The following UTP20 variants were observed in gnomAD, a reference collection of about 807,000 sequenced individuals.
UTP20 encodes UTP20 small subunit processome component.
In UTP20, 164 loss-of-function variants were observed where a neutral mutation model predicts 329.5. The ratio of observed to expected loss-of-function variants is 0.50; its 90% CI spans 0.44 to 0.57. The LOEUF (loss-of-function observed/expected upper bound fraction) is 0.57, where lower values mean the gene tolerates loss of function less well. Among genes scored for constraint, UTP20 ranks in the 20% least tolerant of loss-of-function variants. The probability of loss-of-function intolerance (pLI) is 0.00; values close to 1 mark genes in which losing one functional copy is unlikely to be tolerated. For synonymous variants in UTP20, 1,151 were observed against 1,159.3 expected, an observed-to-expected ratio of 0.99 and a Z score of 0.14; for missense variants, 3,055 against 3,284.2, an observed-to-expected ratio of 0.93 and a Z score of 1.71.
At chr12:101,378,384 A>T (rs1870541410) in intron 56 of UTP20, among the ~76,000 whole-genome samples, 1 of 152,190 alleles carries the variant, frequency 6.6e-6, no homozygotes, top group Non-Finnish European at 1.5e-5. Context: ...TACTGATTAG[A>T]AACAAGCCTG....
intron 23 of UTP20, among the ~76,000 whole-genome samples, chr12:101,320,104 T>C (rs1873100958): frequency 6.6e-6 from 1 of 152,216 alleles, no homozygotes; most frequent in Non-Finnish European, 1.5e-5. Flanking sequence ...AAGTAAGCAT[T>C]GGATGTAATT....
intron 17 of UTP20, among the ~76,000 whole-genome samples, 171 bp downstream of exon 17, chr12:101,306,932 G>A (rs1872655400): frequency 6.6e-6 from 1 of 152,110 alleles, no homozygotes. Flanking sequence ...CCAGCACTTT[G>A]GGAGGCCGAG....
At chr12:101,372,789 T>C (rs1430626715) in intron 51 of UTP20, 95 bp from the exon 52 acceptor site, 9 of 997,920 alleles carry the variant, frequency 9.0e-6, no homozygotes, top group Non-Finnish European at 1.4e-5. Flanking sequence ...CTGTAAAGTT[T>C]TTATAACCTA....
intron 58 of UTP20, among the ~76,000 whole-genome samples, chr12:101,382,782 G>A (rs368678647): frequency 2.8e-4 from 42 of 151,870 alleles, no homozygotes; most frequent in African/African-American, 1.0e-3. Flanking sequence ...AAACCTGGGA[G>A]GGGGATGTCA....
intron 25 of UTP20, among the ~76,000 whole-genome samples, chr12:101,324,155 AT>A (rs199685126): frequency 0.24 from 29,018 of 122,896 alleles, 3,199 homozygotes; most frequent in East Asian, 0.38. Context: ...AAAAAAATAA[AT>A]AAATAAATAA....
At chr12:101,321,903 G>A (rs1049420065) in intron 25 of UTP20, among the ~76,000 whole-genome samples, 5 of 151,764 alleles carry the variant, frequency 3.3e-5, no homozygotes, top group African/African-American at 9.7e-5. Flanking sequence ...AGCCATCACC[G>A]CCAGCTGCTT....
At chr12:101,296,244 C>T (rs1872344446) in intron 12 of UTP20, among the ~76,000 whole-genome samples, 1 of 152,130 alleles carries the variant, frequency 6.6e-6, no homozygotes, top group Non-Finnish European at 1.5e-5. Flanking sequence ...GAACTGTTCC[C>T]TCACCACGAG....
chr12:101,352,767 T>A (rs960343970), intron 39 of UTP20, among the ~76,000 whole-genome samples: 26 of 150,160 alleles, frequency 1.7e-4, no homozygotes, highest in Non-Finnish European at 3.1e-4. Flanking sequence ...CATATGTAAC[T>A]AACCTGCACA....
At chr12:101,317,750 T>C (rs982753627) in intron 22 of UTP20, 87 bp downstream of exon 22, 18 of 1,317,312 alleles carry the variant, frequency 1.4e-5, no homozygotes, top group Non-Finnish European at 1.8e-5. Context: ...CAAAATCAAC[T>C]ACTCAGATAA....
intron 54 of UTP20, 125 bp from the exon 55 acceptor site, chr12:101,374,683 G>C: frequency 1.6e-6 from 1 of 608,810 alleles, no homozygotes; most frequent in Admixed American, 2.6e-5. Flanking sequence ...CTGATTTCTG[G>C]CATCAGAAAG....
chr12:101,287,908 G>A (rs1244734014), intron 5 of UTP20, among the ~76,000 whole-genome samples: 1 of 152,210 alleles, frequency 6.6e-6, no homozygotes, highest in East Asian at 1.9e-4. Flanking sequence ...TTAGGTGGCC[G>A]AGCAGCCTGT....
intron 24 of UTP20, 89 bp from the exon 25 acceptor site, chr12:101,321,415 G>A (rs1169280689): frequency 1.3e-6 from 2 of 1,547,096 alleles, no homozygotes; most frequent in African/African-American, 1.4e-5. Flanking sequence ...CCTTATTTTA[G>A]TTATTACTCT....
At chr12:101,359,560 G>C (rs1008669788) in intron 43 of UTP20, among the ~76,000 whole-genome samples, 1 of 151,544 alleles carries the variant, frequency 6.6e-6, no homozygotes, top group Non-Finnish European at 1.5e-5. Flanking sequence ...ATTTCTTTCA[G>C]TCTATCTGCA....
intron 43 of UTP20, among the ~76,000 whole-genome samples, chr12:101,357,467 G>C (rs1308504170): frequency 6.6e-6 from 1 of 152,120 alleles, no homozygotes; most frequent in Non-Finnish European, 1.5e-5. Flanking sequence ...TACAAAATAA[G>C]GGGCTGGGTG....
chr12:101,323,049 AC>A (rs532522185), intron 25 of UTP20, among the ~76,000 whole-genome samples: 86 of 152,360 alleles, frequency 5.6e-4, no homozygotes, highest in African/African-American at 2.0e-3. Flanking sequence ...CTACCAAAAA[AC>A]ATCTAAATAA....
chr12:101,286,018 A>C, intron 4 of UTP20, 137 bp downstream of exon 4: 1 of 1,238,100 alleles, frequency 8.1e-7, no homozygotes, highest in Non-Finnish European at 1.1e-6. Flanking sequence ...TCTGTTAGGA[A>C]TAAGTGCATT....
chr12:101,281,334 C>A, intron 2 of UTP20, 138 bp downstream of exon 2: 3 of 644,454 alleles, frequency 4.7e-6, no homozygotes, highest in Non-Finnish European at 7.5e-6. Flanking sequence ...CATACAGTAG[C>A]CACATATGAC....
intron 56 of UTP20, among the ~76,000 whole-genome samples, chr12:101,377,915 A>G (rs1870527597): frequency 6.6e-6 from 1 of 152,172 alleles, no homozygotes. Flanking sequence ...AAATGAGATC[A>G]TGTTCATGAA....
At position 101,295,615 on chromosome 12, in the gene UTP20, G is replaced by A. The variant is rs766797905; in HGVS notation, c.1387G>A (p.Ala463Thr). 1.6e-5 allele frequency: 25 copies of A among 1,612,114 alleles called. No individual in the cohort carries two copies. The highest frequency in any genetic ancestry group is 2.0e-5 in the Non-Finnish European group (24 of 1,178,886). The stretch of plus-strand genomic sequence containing the variant: ...AGCACCTCCCACTGCTGGCTCGATG[G>A]CAATTGAAAAGTACCCTCTGGTTTT... ...KAAPPTAGSMAIEKYPLVFSP... is the reference protein window; with the variant it reads ...KAAPPTAGSMTIEKYPLVFSP... Residue 463 changes from alanine to threonine, a missense_variant, in exon 12 of 62, where the codon GCA becomes ACA. By Grantham distance (58) the Ala-to-Thr change is moderately conservative (BLOSUM62 0). Transcript: ENST00000261637.
Sources: allele counts gnomAD v4.1 joint callset (sites outside exome capture counted in the v4.1 genomes callset), GRCh38; gene constraint gnomAD v4.1.1; transcripts MANE v1.5; gene names NCBI Gene and HGNC (gene_info 2026-07-23, HGNC 2026-07-21).